The following LRP6 variants were observed in gnomAD, a reference collection of about 807,000 sequenced individuals.
LRP6 encodes the protein LDL receptor related protein 6.
In LRP6, 43 loss-of-function variants were observed where a neutral mutation model predicts 184.1. That is an observed-to-expected ratio of 0.23 (90% CI 0.18 to 0.30). The LOEUF (loss-of-function observed/expected upper bound fraction) is 0.30. Ranked by LOEUF, LRP6 falls within the 10% of genes least tolerant of loss-of-function variation. The pLI is 1.00. For missense variants in LRP6, 1,571 were observed against 2,005.3 expected (o/e 0.78, Z 4.14); for synonymous variants, 719 against 684.9 (o/e 1.05, Z -0.78).
intron 19 of LRP6, among the ~76,000 whole-genome samples, chr12:12,128,526 T>C (rs1006000955): frequency 6.6e-5 from 10 of 152,196 alleles, no homozygotes; most frequent in South Asian, 6.2e-4. Context: ...TTCAGTGGGA[T>C]ATTCCATGAG....
intron 7 of LRP6, among the ~76,000 whole-genome samples, chr12:12,173,429 G>T (rs1863097021): frequency 6.6e-6 from 1 of 152,128 alleles, no homozygotes; most frequent in South Asian, 2.1e-4. Flanking sequence ...TGCAACCTCT[G>T]CCTCCCAGAC....
chr12:12,192,251 A>C (rs1266231065), intron 3 of LRP6, among the ~76,000 whole-genome samples: 3 of 152,038 alleles, frequency 2.0e-5, no homozygotes, highest in African/African-American at 7.2e-5. Flanking sequence ...TGCACGTTGC[A>C]ATCCCTAAAA....
chr12:12,148,495 G>GT (rs1950040004), intron 14 of LRP6, among the ~76,000 whole-genome samples: 1 of 152,074 alleles, frequency 6.6e-6, no homozygotes. Context: ...AAGCATACTA[G>GT]TTCTCATCAT....
chr12:12,162,519 A>G, intron 9 of LRP6, 100 bp from the exon 10 acceptor site: 2 of 946,274 alleles, frequency 2.1e-6, no homozygotes, highest in Non-Finnish European at 3.5e-6. Context: ...GAGGATCCAG[A>G]AGTGCCAAGA....
chr12:12,234,385 G>A (rs1333391384), intron 2 of LRP6, among the ~76,000 whole-genome samples: 1 of 152,120 alleles, frequency 6.6e-6, no homozygotes, highest in Non-Finnish European at 1.5e-5. Context: ...GGAAGGCGGA[G>A]GTTGCAGTGA....
At chr12:12,225,393 G>A (rs899906241) in intron 2 of LRP6, among the ~76,000 whole-genome samples, 8 of 152,104 alleles carry the variant, frequency 5.3e-5, no homozygotes, top group Admixed American at 2.6e-4. Context: ...TGATAACAAA[G>A]GATCATAATT....
intron 9 of LRP6, 56 bp from the exon 10 acceptor site, chr12:12,162,475 AAAG>A (rs1216485635): frequency 6.1e-6 from 9 of 1,473,982 alleles, no homozygotes; most frequent in East Asian, 2.3e-5. Context: ...CCCTATCCAG[AAAG>A]AAGGTTTGGT....
At chr12:12,130,527 G>A (rs1949736563) in intron 19 of LRP6, among the ~76,000 whole-genome samples, 1 of 152,046 alleles carries the variant, frequency 6.6e-6, no homozygotes, top group African/African-American at 2.4e-5. Context: ...TTGTAACTTT[G>A]GTTATAGTAA....
chr12:12,236,914 A>AT (rs34993303), intron 2 of LRP6, among the ~76,000 whole-genome samples: 32,089 of 150,176 alleles, frequency 0.21, 3,600 homozygotes, highest in Middle Eastern at 0.32. Flanking sequence ...TAATTCAGGG[A>AT]TTTTTTTTTT....
intron 2 of LRP6, among the ~76,000 whole-genome samples, chr12:12,242,500 C>T (rs1316594332): frequency 6.6e-6 from 1 of 152,200 alleles, no homozygotes; most frequent in Non-Finnish European, 1.5e-5. Flanking sequence ...GCACCAAAAT[C>T]CTATGTGTTC....
chr12:12,206,271 G>A (rs550872079), intron 2 of LRP6, among the ~76,000 whole-genome samples: 37 of 152,226 alleles, frequency 2.4e-4, no homozygotes, highest in African/African-American at 7.5e-4. Context: ...GGCCAGGTGC[G>A]GTGGCTCACG....
At chr12:12,248,782 T>C (rs1334811962) in intron 1 of LRP6, among the ~76,000 whole-genome samples, 1 of 152,124 alleles carries the variant, frequency 6.6e-6, no homozygotes, top group Non-Finnish European at 1.5e-5. Context: ...GCCCAGCCTC[T>C]CAGTCTTTAT....
chr12:12,153,877 T>G (rs1470107499), intron 12 of LRP6, among the ~76,000 whole-genome samples: 1 of 152,196 alleles, frequency 6.6e-6, no homozygotes, highest in African/African-American at 2.4e-5. Context: ...ACTGGTAGCT[T>G]AGACAAAGGT....
intron 18 of LRP6, 75 bp from the exon 19 acceptor site, chr12:12,130,968 G>A (rs1170188109): frequency 1.5e-5 from 12 of 807,054 alleles, no homozygotes; most frequent in Non-Finnish European, 2.4e-5. Flanking sequence ...ATCAAAAGGT[G>A]CCTTCTGAAC....
Position 12,266,757 on chromosome 12 carries a change from C to T in LRP6, c.-22G>A, listed in dbSNP as rs1251894486. On this transcript the variant is annotated 5_prime_UTR_variant, in exon 1 of 23. Transcript: ENST00000261349. ...CCATCTTCCCTTCTCGCGTTCTCTT[C>T]TCTCACCGGCGAGGGGTGGCCAGAA... 6.2e-6 allele frequency: 10 copies of T among 1,607,998 alleles called. No individual in the cohort carries two copies. The highest frequency in any genetic ancestry group is 8.5e-6 in the Non-Finnish European group (10 of 1,176,626).
intron 7 of LRP6, among the ~76,000 whole-genome samples, chr12:12,166,736 C>G (rs1447024577): frequency 6.6e-6 from 1 of 152,316 alleles, no homozygotes; most frequent in East Asian, 1.9e-4. Context: ...AGCTATATCA[C>G]TTTCCAACAT....
Position 12,193,702 on chromosome 12 carries a change from T to C in LRP6, c.648-6583A>G, listed in dbSNP as rs79882591. ...ACTCAAGAAGAAACAGAAAATCTGA[T>C]AGATCTACAACAAACAAGGAAATTG... On this transcript the variant is annotated intron_variant, in intron 3 of 22. Transcript: ENST00000261349. Among the ~76,000 whole-genome samples, 862 of 152,112 alleles carry C rather than the reference T, an allele frequency of 5.7e-3. 8 individuals carry two copies. The highest frequency in any genetic ancestry group is 0.019 in the African/African-American group (776 of 41,534).
chr12:12,221,594 A>AAT (rs1864491127), intron 2 of LRP6, among the ~76,000 whole-genome samples: 1 of 152,200 alleles, frequency 6.6e-6, no homozygotes, highest in Admixed American at 6.5e-5. Flanking sequence ...ATTCTGATTC[A>AAT]ATTGGTCTGG....
At chr12:12,135,813 T>A (rs1949830158) in intron 16 of LRP6, among the ~76,000 whole-genome samples, 1 of 152,064 alleles carries the variant, frequency 6.6e-6, no homozygotes, top group African/African-American at 2.4e-5. Context: ...TATATTTATA[T>A]ATAAAATATT....
Sources: allele counts gnomAD v4.1 joint callset (sites outside exome capture counted in the v4.1 genomes callset), GRCh38; gene constraint gnomAD v4.1.1; transcripts MANE v1.5; gene names NCBI Gene and HGNC (gene_info 2026-07-23, HGNC 2026-07-21).